FAIM2: variants seen among roughly 807,000 people sequenced by gnomAD.
The protein encoded by FAIM2 is Fas apoptotic inhibitory molecule 2.
A neutral mutation model predicts 47.4 loss-of-function variants in FAIM2; 27 were observed. That is an observed-to-expected ratio of 0.57 (90% CI 0.42 to 0.78). The LOEUF is 0.78. FAIM2 is among the 30% of genes least tolerant of loss of function. FAIM2 has a pLI of 0.00. For synonymous variants in FAIM2, 156 were observed against 159.3 expected, an observed-to-expected ratio of 0.98 and a Z score of 0.16; for missense variants, 311 against 389.4, an observed-to-expected ratio of 0.80 and a Z score of 1.69.
chr12:49,885,745 A>G (rs1049250292), intron 11 of FAIM2, among the ~76,000 whole-genome samples: 3 of 152,092 alleles, frequency 2.0e-5, no homozygotes, highest in African/African-American at 7.2e-5. Flanking sequence ...CAGTTTTCTC[A>G]TCTAGATCTC....
intron 2 of FAIM2, among the ~76,000 whole-genome samples, chr12:49,900,815 GTTCT>G (rs954285292): frequency 3.9e-5 from 6 of 151,966 alleles, no homozygotes; most frequent in African/African-American, 1.5e-4. Context: ...TTTTCTAGGA[GTTCT>G]TTCTTAACTA....
In FAIM2 at chr12:49,870,304, T is replaced by C; in HGVS notation, c.*200A>G. 1 of 547,234 alleles carries C rather than the reference T, an allele frequency of 1.8e-6. No individual in the cohort carries two copies. The highest frequency in any genetic ancestry group is 3.0e-5 in the East Asian group (1 of 33,342). The allele number at this position is 547,234 out of a possible 1,614,324, so 33.9% of individuals were successfully genotyped here. ...ACGGGCGAATGGGGCGGCACAGGGA[T>C]TGACGTGGCCTCAGTTCCTCAGGGT... On this transcript the variant is annotated 3_prime_UTR_variant, in exon 12 of 12. Transcript: ENST00000320634.
intron 11 of FAIM2, among the ~76,000 whole-genome samples, chr12:49,880,232 GTGTGTA>G (rs957299032): frequency 2.0e-5 from 3 of 151,148 alleles, no homozygotes; most frequent in South Asian, 2.1e-4. Context: ...GTGCATGCAT[GTGTGTA>G]TGTGTATGTT....
intron 10 of FAIM2, among the ~76,000 whole-genome samples, chr12:49,887,864 G>A (rs608233): frequency 0.13 from 19,470 of 152,106 alleles, 1,314 homozygotes; most frequent in East Asian, 0.21. Flanking sequence ...TGGAGGCAAG[G>A]AACTCAGGTA....
At chr12:49,899,525 T>C (rs7303823) in intron 2 of FAIM2, among the ~76,000 whole-genome samples, 7,279 of 152,302 alleles carry the variant, frequency 0.048, 563 homozygotes, top group African/African-American at 0.16. Flanking sequence ...CAAGTATATT[T>C]TTTCAACCAT....
At position 49,874,945 on chromosome 12, in the gene FAIM2, T is replaced by C. The variant is rs182946914; in HGVS notation, c.802-4292A>G. 2.0e-3 allele frequency among the ~76,000 whole-genome samples: 306 copies of C among 152,288 alleles called. 1 individual carries two copies. Among genetic ancestry groups the C allele is most frequent in the Middle Eastern group, 3.4e-3 (1 of 294 alleles). On this transcript the variant is annotated intron_variant, in intron 11 of 11. Transcript: ENST00000320634. This position sits in a 1 kb window ranked among gnomAD's most constrained non-coding sequence, Gnocchi z 4.2. The stretch of plus-strand genomic sequence containing the variant: ...AGAAAAAAGCAAGTTGTGAAAAATC[T>C]ATATCGTATGATCCCATAAAACTAT...
Position 49,870,308 on chromosome 12 carries a change from C to T in FAIM2, c.*196G>A, listed in dbSNP as rs899667551. ...GCGAATGGGGCGGCACAGGGATTGA[C>T]GTGGCCTCAGTTCCTCAGGGTCCCC... On this transcript the variant is annotated 3_prime_UTR_variant, in exon 12 of 12. Transcript: ENST00000320634. The T allele has an allele frequency of 5.4e-6, 3 of 557,322 alleles. No homozygotes were observed. Among genetic ancestry groups the T allele is most frequent in the Admixed American group, 6.2e-5 (2 of 32,080 alleles). The allele number at this position is 557,322 out of a possible 1,614,324, so 34.5% of individuals were successfully genotyped here. A position where few individuals can be genotyped will look rare whatever the true frequency, so the allele number is the denominator to read the frequency against.
chr12:49,873,759 T>C (rs1219982337), intron 11 of FAIM2, among the ~76,000 whole-genome samples: 1 of 152,224 alleles, frequency 6.6e-6, no homozygotes, highest in Non-Finnish European at 1.5e-5. Flanking sequence ...TGCTTATCTA[T>C]GTGGTGTTCT....
chr12:49,899,976 C>T (rs1170520855), intron 2 of FAIM2, among the ~76,000 whole-genome samples: 2 of 152,194 alleles, frequency 1.3e-5, no homozygotes, highest in African/African-American at 4.8e-5. Flanking sequence ...GAGAGGTAGA[C>T]CCACTGCAAA....
chr12:49,870,430 G>C lies in FAIM2; in HGVS notation c.*74C>G. 7.2e-7 allele frequency: 1 copy of C among 1,386,634 alleles called. No individual in the cohort carries two copies. 85.9% of individuals were successfully genotyped at this position (1,386,634 alleles called of 1,614,324 possible). ...GGCAGCTAGTTTTATATCTGGTCTC[G>C]CAGGAGCGCAGGGGAGGGACAGGGA... is the stretch of plus-strand genomic sequence containing the variant. On this transcript the variant is annotated 3_prime_UTR_variant, in exon 12 of 12. Coordinates refer to ENST00000320634, the MANE Select transcript of FAIM2 (RefSeq NM_012306.4).
chr12:49,897,612 T>TG (rs748153192), intron 3 of FAIM2, 29 bp from the exon 4 acceptor site: 3 of 1,582,358 alleles, frequency 1.9e-6, no homozygotes, highest in East Asian at 2.2e-5. Context: ...CTACTCAGCT[T>TG]GGGGGGCCCT....
rs759705268 is a variant in FAIM2, at chr12:49,901,145, C to T, written c.196G>A (p.Ala66Thr). 2.1e-5 allele frequency: 34 copies of T among 1,599,532 alleles called. No individual in the cohort carries two copies. Among genetic ancestry groups the T allele is most frequent in the African/African-American group, 2.7e-5 (2 of 73,940 alleles). Reference sequence around the variant, plus strand: ...AAAGACTTACTGGGGTCCACATAGGCCCAGCTAGGGTGGAGAGGCACCGCT... The same window carrying T: ...AAAGACTTACTGGGGTCCACATAGGTCCAGCTAGGGTGGAGAGGCACCGCT... ...PTAVPLHPSW[A>T]YVDPSSSSSY... Residue 66 changes from alanine to threonine, a missense_variant, in exon 2 of 12, where the codon GCC becomes ACC. Coordinates refer to ENST00000320634, the MANE Select transcript of FAIM2 (RefSeq NM_012306.4).
chr12:49,883,383 T>G (rs1946839719), intron 11 of FAIM2, among the ~76,000 whole-genome samples: 2 of 149,458 alleles, frequency 1.3e-5, no homozygotes, highest in South Asian at 2.2e-4. Context: ...ACAGCATTGA[T>G]GTGGGGCGTG....
At chr12:49,880,167 T>TGTGTGTGTGTGTGC (rs146657856) in intron 11 of FAIM2, among the ~76,000 whole-genome samples, 155 of 143,518 alleles carry the variant, frequency 1.1e-3, no homozygotes, top group African/African-American at 4.0e-3. Flanking sequence ...TGCATGTGTG[T>TGTGTGTGTGTGTGC]ATGTGTGTGT....
chr12:49,897,717 C>G, intron 3 of FAIM2, 134 bp from the exon 4 acceptor site: 1 of 697,028 alleles, frequency 1.4e-6, no homozygotes. Flanking sequence ...TTGGAGTGAA[C>G]CCAGGGCAAG....
At chr12:49,884,842 C>T (rs145587401) in intron 11 of FAIM2, among the ~76,000 whole-genome samples, 3,003 of 152,270 alleles carry the variant, frequency 0.02, 47 homozygotes, top group Non-Finnish European at 0.031. Flanking sequence ...GGCATGGTGG[C>T]GGGCACCTGT....
intron 5 of FAIM2, among the ~76,000 whole-genome samples, chr12:49,891,939 G>A (rs1451877122): frequency 1.3e-5 from 2 of 152,126 alleles, no homozygotes; most frequent in African/African-American, 2.4e-5. Context: ...CAAGGGTGGA[G>A]CTCGCCCATG....
chr12:49,899,812 A>G (rs1389740537), intron 2 of FAIM2, among the ~76,000 whole-genome samples: 1 of 152,234 alleles, frequency 6.6e-6, no homozygotes, highest in African/African-American at 2.4e-5. Flanking sequence ...AAATCAATGC[A>G]TCCTCCGAAA....
At chr12:49,890,853 A>G in intron 6 of FAIM2, 131 bp from the exon 7 acceptor site, 1 of 897,550 alleles carries the variant, frequency 1.1e-6, no homozygotes, top group Non-Finnish European at 1.9e-6. Flanking sequence ...TCCTTCAGCC[A>G]CATCCCCATT....
Sources: gnomAD v4.1 joint callset for allele counts (sites outside exome capture counted in the v4.1 genomes callset) on GRCh38, gnomAD v4.1.1 for gene constraint, Gnocchi (gnomAD v3.1) non-coding constraint, MANE v1.5 for transcripts, NCBI Gene and HGNC (gene_info 2026-07-23, HGNC 2026-07-21) for gene names.